The following JMJD1C variants were observed in gnomAD, a reference collection of about 807,000 sequenced individuals.
JMJD1C encodes jumonji domain-containing protein 1C.
In JMJD1C, 31 loss-of-function variants were observed where a neutral mutation model predicts 245.3. The ratio of observed to expected loss-of-function variants is 0.13; its 90% CI spans 0.09 to 0.17. The LOEUF is 0.17. JMJD1C is among the 10% of genes least tolerant of loss of function. JMJD1C has a pLI of 1.00. For synonymous variants in JMJD1C, 1,057 were observed against 1,017.4 expected (o/e 1.04, Z -0.74); for missense variants, 2,691 against 3,000.2 (o/e 0.90, Z 2.41).
rs141057168 is a variant in JMJD1C at position 63,409,206 on chromosome 10, C to G, written c.169-28724G>C. On this transcript the variant is annotated intron_variant, in intron 1 of 25. Coordinates refer to ENST00000399262, the MANE Select transcript of JMJD1C (RefSeq NM_032776.3). ...AAAAGCACAGTCATTACAAACCACTCGTAATTGACATCTTACTACATACAT... is the reference window on the plus strand; with the variant it reads ...AAAAGCACAGTCATTACAAACCACTGGTAATTGACATCTTACTACATACAT... 1.6e-4 allele frequency among the ~76,000 whole-genome samples: 25 copies of G among 152,280 alleles called. No individual in the cohort carries two copies. The East Asian group carries it at 3.1e-3, about 19-fold the overall frequency.
chr10:63,225,222 C>G (rs972044845), intron 3 of JMJD1C, among the ~76,000 whole-genome samples: 2 of 152,028 alleles, frequency 1.3e-5, no homozygotes, highest in Non-Finnish European at 2.9e-5. Flanking sequence ...AGAGACAGGA[C>G]CCTCTATGAA....
chr10:63,264,509 T>C (rs984965530), intron 3 of JMJD1C, 142 bp downstream of exon 3: 2 of 537,166 alleles, frequency 3.7e-6, no homozygotes, highest in African/African-American at 2.0e-5. Context: ...ATAAGCAAAA[T>C]CAACTGACTG....
At chr10:63,324,311 C>T (rs1941270757) in intron 2 of JMJD1C, among the ~76,000 whole-genome samples, 1 of 151,860 alleles carries the variant, frequency 6.6e-6, no homozygotes, top group Non-Finnish European at 1.5e-5. Context: ...GAAAAGTTAC[C>T]TACTGTCACA....
At chr10:63,316,160 AG>A (rs1940023335) in intron 2 of JMJD1C, among the ~76,000 whole-genome samples, 1 of 152,220 alleles carries the variant, frequency 6.6e-6, no homozygotes, top group African/African-American at 2.4e-5. Flanking sequence ...CTATAGAGCA[AG>A]ATCCTGTCTC....
At chr10:63,313,107 T>C (rs932499392) in intron 2 of JMJD1C, among the ~76,000 whole-genome samples, 1 of 152,118 alleles carries the variant, frequency 6.6e-6, no homozygotes, top group African/African-American at 2.4e-5. Flanking sequence ...CACCCACCAT[T>C]TCCCCCGCAA....
chr10:63,248,415 G>A lies in JMJD1C; in HGVS notation c.447+16236C>T, dbSNP rs181169129. ...AGGTGCCTGTAAACCCAGCTACCCCGGAAGCCGAGGCAGGAGAATCACTTG... is the reference window on the plus strand; with the variant it reads ...AGGTGCCTGTAAACCCAGCTACCCCAGAAGCCGAGGCAGGAGAATCACTTG... On this transcript the variant is annotated intron_variant, in intron 3 of 25. Coordinates refer to ENST00000399262, the MANE Select transcript of JMJD1C (RefSeq NM_032776.3). Among the ~76,000 whole-genome samples the A allele has an allele frequency of 4.3e-3, 496 of 115,014 alleles. 3 individuals are homozygous for A. Among genetic ancestry groups the A allele is most frequent in the African/African-American group, 0.012 (478 of 38,578 alleles). 75.5% of individuals were successfully genotyped at this position (115,014 alleles called of 152,430 possible). A position where few individuals can be genotyped will look rare whatever the true frequency, so the allele number is the denominator to read the frequency against.
intron 2 of JMJD1C, among the ~76,000 whole-genome samples, chr10:63,378,462 G>C (rs1279111577): frequency 6.6e-6 from 1 of 152,026 alleles, no homozygotes; most frequent in Non-Finnish European, 1.5e-5. Context: ...CGTGGTGGCA[G>C]GCGCCTGTAG....
At chr10:63,462,620 A>C (rs1245665337) in intron 1 of JMJD1C, among the ~76,000 whole-genome samples, 1 of 152,216 alleles carries the variant, frequency 6.6e-6, no homozygotes, top group Non-Finnish European at 1.5e-5. Context: ...GGGAAGCAGG[A>C]GAGTTAGAAG....
At chr10:63,290,837 T>A (rs1858582473) in intron 2 of JMJD1C, among the ~76,000 whole-genome samples, 1 of 152,130 alleles carries the variant, frequency 6.6e-6, no homozygotes, top group African/African-American at 2.4e-5. Flanking sequence ...AATTTCTTCA[T>A]GAAGAAAGTA....
intron 2 of JMJD1C, among the ~76,000 whole-genome samples, chr10:63,357,292 C>T (rs1368441803): frequency 6.6e-6 from 1 of 151,808 alleles, no homozygotes; most frequent in African/African-American, 2.4e-5. Context: ...TATATTTTTT[C>T]AAATGGTAAA....
chr10:63,180,593 TG>T (rs1035853146), intron 22 of JMJD1C, among the ~76,000 whole-genome samples: 163 of 152,270 alleles, frequency 1.1e-3, no homozygotes, highest in African/African-American at 3.8e-3. Context: ...TCCTTTACTC[TG>T]GTATCTTTTT....
At chr10:63,411,192 C>A (rs181348658) in intron 1 of JMJD1C, among the ~76,000 whole-genome samples, 1 of 151,860 alleles carries the variant, frequency 6.6e-6, no homozygotes, top group South Asian at 2.1e-4. Flanking sequence ...GAACTGAGAT[C>A]AGTGGAACAG....
At chr10:63,503,123 G>A (rs938023936) in intron 1 of JMJD1C, among the ~76,000 whole-genome samples, 43 of 152,234 alleles carry the variant, frequency 2.8e-4, no homozygotes, top group African/African-American at 1.0e-3. Flanking sequence ...CAAAGGGCCT[G>A]AGAAATATGC....
At chr10:63,444,315 C>T (rs1951563704) in intron 1 of JMJD1C, among the ~76,000 whole-genome samples, 1 of 152,102 alleles carries the variant, frequency 6.6e-6, no homozygotes, top group Admixed American at 6.5e-5. Context: ...ACTCTGTCAC[C>T]TAGGCTGGAG....
chr10:63,397,415 G>T (rs1948576647), intron 1 of JMJD1C, among the ~76,000 whole-genome samples: 1 of 151,998 alleles, frequency 6.6e-6, no homozygotes, highest in South Asian at 2.1e-4. Context: ...GTTTCTCCTT[G>T]TTGGCCAGGC....
intron 2 of JMJD1C, among the ~76,000 whole-genome samples, chr10:63,285,766 C>A (rs1031132851): frequency 5.3e-5 from 8 of 152,144 alleles, no homozygotes; most frequent in Admixed American, 4.6e-4. Flanking sequence ...TATGATCACA[C>A]CACTGCACTC....
Position 63,179,935 on chromosome 10 carries a change from T to A in JMJD1C, c.7085-2079A>T, listed in dbSNP as rs560548343. ...CCTGCTACAAAGTATATATCAGATG[T>A]TTCCTAATTTGTGACAGTAATGTCT... On this transcript the variant is annotated intron_variant, in intron 22 of 25. Coordinates refer to ENST00000399262, the MANE Select transcript of JMJD1C (RefSeq NM_032776.3). Among the ~76,000 whole-genome samples the A allele has an allele frequency of 1.9e-4, 29 of 152,334 alleles. 2 individuals carry two copies. The East Asian group carries it at 5.4e-3, about 28-fold the overall frequency.
At chr10:63,364,767 C>T (rs568638670) in intron 2 of JMJD1C, among the ~76,000 whole-genome samples, 1 of 152,204 alleles carries the variant, frequency 6.6e-6, no homozygotes, top group East Asian at 1.9e-4. Context: ...GAGTACAGGC[C>T]ACCTCACACG....
At chr10:63,494,404 C>T (rs1015089247) in intron 1 of JMJD1C, among the ~76,000 whole-genome samples, 2 of 151,868 alleles carry the variant, frequency 1.3e-5, no homozygotes, top group African/African-American at 4.8e-5. Flanking sequence ...AAAAGTGCTG[C>T]ATATCATTTA....
Sources: allele counts gnomAD v4.1 joint callset (sites outside exome capture counted in the v4.1 genomes callset), GRCh38; gene constraint gnomAD v4.1.1; transcripts MANE v1.5; gene names NCBI Gene and HGNC (gene_info 2026-07-23, HGNC 2026-07-21).